Variants in ARFGEF1 observed in about 807,000 individuals in gnomAD.
ARFGEF1 encodes the protein ARF guanine nucleotide exchange factor 1.
ARFGEF1 carries 42 observed loss-of-function variants against 231.0 expected under a neutral mutation model. The observed-to-expected ratio is 0.18, with a 90% CI of 0.14 to 0.24. The LOEUF is 0.24. Ranked by LOEUF, ARFGEF1 falls within the 10% of genes least tolerant of loss-of-function variation. The pLI is 1.00. For synonymous variants in ARFGEF1, 710 were observed against 732.3 expected, an observed-to-expected ratio of 0.97 and a Z score of 0.49; for missense variants, 1,345 against 2,192.0, an observed-to-expected ratio of 0.61 and a Z score of 7.72.
Position 67,237,353 on chromosome 8 carries a change from C to T in ARFGEF1, c.3289+990G>A, listed in dbSNP as rs114607465. On this transcript the variant is annotated intron_variant, in intron 22 of 38. Transcript: ENST00000262215. ...GAGGGACAGACTGCATTGCTAGCTG[C>T]TTCAGTTGATTACCACTGGGAATTA... Among the ~76,000 whole-genome samples, 1,222 of 152,330 alleles carry T rather than the reference C, an allele frequency of 8.0e-3. 12 individuals are homozygous for T. The highest frequency in any genetic ancestry group is 0.028 in the African/African-American group (1,165 of 41,574).
At chr8:67,213,918 G>A (rs988904907) in intron 33 of ARFGEF1, among the ~76,000 whole-genome samples, 11 of 152,156 alleles carry the variant, frequency 7.2e-5, no homozygotes, top group African/African-American at 2.4e-4. Flanking sequence ...TCTCCTGCTG[G>A]TTTTGTTTTG....
intron 34 of ARFGEF1, chr8:67,207,032 T>C (rs1339598543): frequency 2.6e-5 from 4 of 152,222 alleles, no homozygotes; most frequent in African/African-American, 4.8e-5. Context: ...TCATAAATGC[T>C]ATTCTATTTA....
rs1563860738 is a variant in ARFGEF1 at position 67,244,265 on chromosome 8, A to AC, written c.2851-3976_2851-3975insG. Among the ~76,000 whole-genome samples, 110 of 15,820 alleles carry AC rather than the reference A, an allele frequency of 7.0e-3. 18 individuals are homozygous for AC. The highest frequency in any genetic ancestry group is 0.036 in the African/African-American group (108 of 3,024). 10.4% of individuals were successfully genotyped at this position (15,820 alleles called of 152,430 possible). On this transcript the variant is annotated intron_variant, in intron 19 of 38. Transcript: ENST00000262215. ...CTCAAAAAAAAAAAAAAAAAAAAAA[A>AC]AAACATTCGACTACTGAGTCTCTCG...
Position 67,198,354 on chromosome 8 carries a change from A to C in ARFGEF1, c.*580T>G, listed in dbSNP as rs1838182281. ...AGAAAATAAAGAAAACAGTGCAGGA[A>C]GAACTATATAATGTTTTAAGATTTT... On this transcript the variant is annotated 3_prime_UTR_variant, in exon 39 of 39. Coordinates refer to ENST00000262215, the MANE Select transcript of ARFGEF1 (RefSeq NM_006421.5). 1.0e-6 allele frequency: 1 copy of C among 984,616 alleles called. No homozygotes were observed. The highest frequency in any genetic ancestry group is 1.2e-6 in the Non-Finnish European group (1 of 828,786). The allele number at this position is 984,616 out of a possible 1,614,324, so 61.0% of individuals were successfully genotyped here.
intron 1 of ARFGEF1, among the ~76,000 whole-genome samples, chr8:67,322,977 C>T (rs926387645): frequency 6.6e-6 from 1 of 152,114 alleles, no homozygotes; most frequent in Non-Finnish European, 1.5e-5. Context: ...GCAATAAATG[C>T]CAGGCACGGT....
intron 1 of ARFGEF1, among the ~76,000 whole-genome samples, chr8:67,317,276 G>A (rs1807361235): frequency 6.6e-6 from 1 of 152,136 alleles, no homozygotes; most frequent in African/African-American, 2.4e-5. Context: ...GTAACCGGAG[G>A]AGATAACAGG....
intron 17 of ARFGEF1, among the ~76,000 whole-genome samples, chr8:67,254,379 C>T (rs1237220171): frequency 1.3e-5 from 2 of 152,118 alleles, no homozygotes; most frequent in African/African-American, 4.8e-5. Flanking sequence ...AAATATATTT[C>T]TACGTCTTAT....
rs373193467 is a variant in ARFGEF1, at chr8:67,294,465, CAAAA to C, written c.639+1962_639+1965del. On this transcript the variant is annotated intron_variant, in intron 5 of 38. Transcript: ENST00000262215. ...TATTTTGAATGGATAAGGCTAAAGACAAAAAAACCTGAATATAAATGCTATAATC... is the reference window on the plus strand; with the variant it reads ...TATTTTGAATGGATAAGGCTAAAGACAAACCTGAATATAAATGCTATAATC... Among the ~76,000 whole-genome samples, 148 of 152,020 alleles carry C rather than the reference CAAAA, an allele frequency of 9.7e-4. 1 individual carries two copies. Among genetic ancestry groups the C allele is most frequent in the African/African-American group, 3.5e-3 (144 of 41,502 alleles).
intron 34 of ARFGEF1, among the ~76,000 whole-genome samples, chr8:67,211,238 G>C (rs945481549): frequency 7.9e-5 from 12 of 151,444 alleles, no homozygotes; most frequent in Non-Finnish European, 1.3e-4. Context: ...CAGCTACCCG[G>C]GAGGCTGAGG....
intron 1 of ARFGEF1, among the ~76,000 whole-genome samples, chr8:67,305,885 A>T (rs918499163): frequency 1.3e-5 from 2 of 152,188 alleles, no homozygotes; most frequent in Non-Finnish European, 2.9e-5. Flanking sequence ...TTCATGACAA[A>T]TTTAATGCCT....
At chr8:67,244,266 A>AAAAAAAAAAAAAAAAAACAAAAC (rs1563860748) in intron 19 of ARFGEF1, among the ~76,000 whole-genome samples, 3 of 17,208 alleles carry the variant, frequency 1.7e-4, no homozygotes, top group African/African-American at 8.8e-4. Context: ...AAAAAAAAAA[A>AAAAAAAAAAAAAAAAAACAAAAC]AACATTCGAC....
At chr8:67,175,441 G>C (rs772586492), downstream of ARFGEF1, 4 of 1,613,932 alleles carry the variant, frequency 2.5e-6, no homozygotes, top group African/African-American at 2.7e-5. Flanking sequence ...CCAAAGGTAA[G>C]AAATAATCAT....
intron 3 of ARFGEF1, 61 bp from the exon 4 acceptor site, chr8:67,299,416 G>A: frequency 2.9e-6 from 4 of 1,394,226 alleles, no homozygotes; most frequent in East Asian, 4.9e-5. Flanking sequence ...ACATACTAAT[G>A]CAATATACAT....
chr8:67,262,962 C>T (rs1043706734), intron 14 of ARFGEF1, among the ~76,000 whole-genome samples: 28 of 152,092 alleles, frequency 1.8e-4, no homozygotes, highest in Non-Finnish European at 4.0e-4. Context: ...TGGAACTGAA[C>T]CCACAATATC....
chr8:67,187,437 T>C (rs966886320), intron 5 of ARFGEF1, among the ~76,000 whole-genome samples: 2 of 152,182 alleles, frequency 1.3e-5, no homozygotes, highest in Admixed American at 1.3e-4. Flanking sequence ...GGCTCACACC[T>C]GTAGTTCTGG....
Position 67,200,458 on chromosome 8 carries a change from C to T in ARFGEF1, c.5323G>A (p.Glu1775Lys), listed in dbSNP as rs745904733. Residue 1775 changes from glutamate (E) to lysine (K), a missense_variant, in exon 38 of 39, where the codon GAA becomes AAA. Glu to Lys is a moderately conservative substitution (Grantham distance 56). This residue lies in a region of ARFGEF1 where 161 missense variants were observed against 284.9 expected (regional missense o/e 0.57). Coordinates refer to ENST00000262215, the MANE Select transcript of ARFGEF1 (RefSeq NM_006421.5). ...FLTLTSESHR[E>K]AWTNLLLLFL... ...AAAAGCAGTAAGTTAGTCCAGGCTT[C>T]TCGATGACTTTCTGATGTTAGAGTG... 1 of 1,607,208 alleles carries T rather than the reference C, an allele frequency of 6.2e-7. No individual in the cohort carries two copies. Among genetic ancestry groups the T allele is most frequent in the Non-Finnish European group, 8.5e-7 (1 of 1,173,660 alleles).
chr8:67,202,100 G>A (rs1223655846), intron 36 of ARFGEF1, among the ~76,000 whole-genome samples: 1 of 152,200 alleles, frequency 6.6e-6, no homozygotes, highest in East Asian at 1.9e-4. Flanking sequence ...GGTTGTAAAG[G>A]AAAGAGAATG....
Position 67,245,793 on chromosome 8 carries a change from G to C in ARFGEF1, c.2851-5503C>G, listed in dbSNP as rs546811026. On this transcript the variant is annotated intron_variant, in intron 19 of 38. Transcript: ENST00000262215. ...CATAGGCTAAACTCTTCAATAAAAA[G>C]ATACATAGTGGCTGAATGAACAAAA... Among the ~76,000 whole-genome samples, 32 of 149,988 alleles carry C rather than the reference G, an allele frequency of 2.1e-4. 1 individual carries two copies. Among genetic ancestry groups the C allele is most frequent in the Non-Finnish European group, 4.1e-4 (28 of 67,752 alleles).
chr8:67,276,224 G>T, intron 8 of ARFGEF1, 115 bp from the exon 9 acceptor site: 2 of 1,161,226 alleles, frequency 1.7e-6, no homozygotes, highest in Non-Finnish European at 2.4e-6. Context: ...CCCCACTGTT[G>T]GAAGGGGAAC....
Sources: allele counts gnomAD v4.1 joint callset (sites outside exome capture counted in the v4.1 genomes callset), GRCh38; gene constraint gnomAD v4.1.1; regional missense constraint gnomAD v4.1.1; transcripts MANE v1.5; gene names NCBI Gene and HGNC (gene_info 2026-07-23, HGNC 2026-07-21).